Variants in SLIT3 observed in about 807,000 individuals in gnomAD.
SLIT3 encodes the protein slit guidance ligand 3, also known as slit homolog 3 protein.
Under a neutral mutation model 184.0 loss-of-function variants are expected in SLIT3, and 68 were observed. That is an observed-to-expected ratio of 0.37 (90% CI 0.30 to 0.45). SLIT3 has a LOEUF of 0.45. Among genes scored for constraint, SLIT3 ranks in the 20% least tolerant of loss-of-function variants. The probability of loss-of-function intolerance (pLI) is 1.00; values close to 1 mark genes in which losing one functional copy is unlikely to be tolerated. For synonymous variants in SLIT3, 831 were observed against 828.6 expected (o/e 1.00, Z -0.05); for missense variants, 1,707 against 2,026.0 (o/e 0.84, Z 3.02).
chr5:168,823,118 G>A, intron 7 of SLIT3, 142 bp downstream of exon 7: 2 of 754,382 alleles, frequency 2.7e-6, no homozygotes, highest in South Asian at 1.5e-5. Context: ...GGCACCCCTT[G>A]GTTAATAGCA....
At chr5:169,070,797 CAAAAAAAA>C (rs34764320) in intron 4 of SLIT3, among the ~76,000 whole-genome samples, 1 of 116,068 alleles carries the variant, frequency 8.6e-6, no homozygotes, top group African/African-American at 3.1e-5. Flanking sequence ...ACATTTTCCT[CAAAAAAAA>C]AAAAAAAAAA....
At chr5:169,012,804 G>A (rs1460340124) in intron 4 of SLIT3, 1 of 152,164 alleles carries the variant, frequency 6.6e-6, no homozygotes, top group African/African-American at 2.4e-5. Context: ...GAGGCAGTGA[G>A]GCAAAGATGT....
At chr5:169,229,462 CA>C (rs1182107347) in intron 3 of SLIT3, among the ~76,000 whole-genome samples, 1 of 152,158 alleles carries the variant, frequency 6.6e-6, no homozygotes, top group Non-Finnish European at 1.5e-5. Context: ...TCATTCCTAT[CA>C]GACATAAAAG....
chr5:168,844,416 G>A (rs1057018437), intron 6 of SLIT3, among the ~76,000 whole-genome samples, 168 bp downstream of exon 6: 8 of 152,110 alleles, frequency 5.3e-5, no homozygotes, highest in African/African-American at 1.7e-4. Flanking sequence ...AAGGTGAGCC[G>A]GAGGGATCCC....
intron 20 of SLIT3, among the ~76,000 whole-genome samples, chr5:168,746,587 T>G: frequency 1.2e-5 from 1 of 80,382 alleles, no homozygotes; most frequent in Admixed American, 1.5e-4. Context: ...GTGTGTGGTG[T>G]GTGAGTGTGG....
At chr5:168,984,086 G>T (rs887094325) in intron 4 of SLIT3, among the ~76,000 whole-genome samples, 2 of 151,780 alleles carry the variant, frequency 1.3e-5, no homozygotes, top group Non-Finnish European at 2.9e-5. Flanking sequence ...GAAAAATAAT[G>T]GATAAAATAA....
At chr5:168,714,475 C>T (rs908557526) in intron 23 of SLIT3, among the ~76,000 whole-genome samples, 2 of 152,092 alleles carry the variant, frequency 1.3e-5, no homozygotes, top group Non-Finnish European at 2.9e-5. Flanking sequence ...CCCAGCTACT[C>T]AGGAGGCTGA....
chr5:168,756,604 C>T (rs922296461), intron 16 of SLIT3, among the ~76,000 whole-genome samples: 1 of 152,176 alleles, frequency 6.6e-6, no homozygotes, highest in Non-Finnish European at 1.5e-5. Context: ...TTAAACTTGG[C>T]CGGTTTTCTT....
At chr5:169,193,693 A>G (rs1763638936) in intron 3 of SLIT3, 143 bp from the exon 4 acceptor site, 35 of 720,116 alleles carry the variant, frequency 4.9e-5, no homozygotes, top group Non-Finnish European at 1.3e-5. Flanking sequence ...TGCTCAACAC[A>G]TGTAAGGTAT....
At chr5:169,284,832 C>A (rs886884803) in intron 1 of SLIT3, among the ~76,000 whole-genome samples, 1 of 152,122 alleles carries the variant, frequency 6.6e-6, no homozygotes, top group African/African-American at 2.4e-5. Context: ...TACAACAATC[C>A]TTGAGATAAG....
At chr5:168,941,760 T>C (rs1562018442) in intron 4 of SLIT3, among the ~76,000 whole-genome samples, 1 of 152,170 alleles carries the variant, frequency 6.6e-6, no homozygotes, top group Non-Finnish European at 1.5e-5. Context: ...ACCAGGTCTA[T>C]TTGAGAGAAT....
chr5:168,865,519 A>G (rs147950567), intron 5 of SLIT3, among the ~76,000 whole-genome samples: 16 of 152,364 alleles, frequency 1.1e-4, no homozygotes, highest in African/African-American at 3.8e-4. Context: ...TTTATATGAA[A>G]TAGTTCTACA....
intron 4 of SLIT3, among the ~76,000 whole-genome samples, chr5:169,132,803 G>A (rs756285512): frequency 8.8e-6 from 1 of 113,614 alleles, no homozygotes; most frequent in Non-Finnish European, 2.0e-5. Context: ...AGATTCCCGT[G>A]ATCTGTAATC....
Position 169,300,751 on chromosome 5 carries a change from G to A in SLIT3, c.-42C>T. The A allele has an allele frequency of 7.8e-7, 1 of 1,280,462 alleles. No homozygotes were observed. Among genetic ancestry groups the A allele is most frequent in the Non-Finnish European group, 9.8e-7 (1 of 1,016,402 alleles). 79.3% of individuals were successfully genotyped at this position (1,280,462 alleles called of 1,614,324 possible). ...CTCCTGGAGGAGGCTGCCTCTGCGGGGCAAGACGCGTGGAGCCCGAGGAGG... is the reference window on the plus strand; with the variant it reads ...CTCCTGGAGGAGGCTGCCTCTGCGGAGCAAGACGCGTGGAGCCCGAGGAGG... On this transcript the variant is annotated 5_prime_UTR_variant, in exon 1 of 36. Coordinates refer to ENST00000519560, the MANE Select transcript of SLIT3 (RefSeq NM_003062.4). The surrounding 1 kb of genome is among the most constrained non-coding windows in gnomAD (Gnocchi z 4.1).
At chr5:169,223,451 C>T (rs900928049) in intron 3 of SLIT3, among the ~76,000 whole-genome samples, 2 of 152,180 alleles carry the variant, frequency 1.3e-5, no homozygotes, top group Admixed American at 6.5e-5. Context: ...CGTTTAGCAG[C>T]GTAGGTGTCC....
intron 4 of SLIT3, among the ~76,000 whole-genome samples, chr5:169,166,773 T>C (rs1323690739): frequency 1.3e-5 from 2 of 152,164 alleles, no homozygotes; most frequent in Non-Finnish European, 2.9e-5. Flanking sequence ...GAATGATGCC[T>C]CCTATCTAGA....
At chr5:168,951,488 G>T (rs1377222290) in intron 4 of SLIT3, among the ~76,000 whole-genome samples, 3 of 152,162 alleles carry the variant, frequency 2.0e-5, no homozygotes, top group African/African-American at 7.2e-5. Flanking sequence ...ACTAGCACCA[G>T]TGTTTTCTTT....
chr5:169,184,537 G>T (rs1763271465), intron 4 of SLIT3, among the ~76,000 whole-genome samples: 1 of 152,130 alleles, frequency 6.6e-6, no homozygotes, highest in Non-Finnish European at 1.5e-5. Context: ...AATAACAGGG[G>T]CTATATGAGA....
intron 26 of SLIT3, among the ~76,000 whole-genome samples, chr5:168,701,941 C>T (rs1040525469): frequency 2.0e-5 from 3 of 152,248 alleles, no homozygotes; most frequent in African/African-American, 7.2e-5. Context: ...GGGCTGAAGG[C>T]CTTGGGCCCA....
Sources: allele counts gnomAD v4.1 joint callset (sites outside exome capture counted in the v4.1 genomes callset), GRCh38; gene constraint gnomAD v4.1.1; non-coding constraint Gnocchi (gnomAD v3.1); transcripts MANE v1.5; gene names NCBI Gene and HGNC (gene_info 2026-07-23, HGNC 2026-07-21).